CTNNA3: variants seen among roughly 807,000 people sequenced by gnomAD.
CTNNA3 encodes the protein catenin alpha 3.
In CTNNA3, 76 loss-of-function variants were observed where a neutral mutation model predicts 95.7. The ratio of observed to expected loss-of-function variants is 0.79; its 90% CI spans 0.66 to 0.96. The LOEUF (loss-of-function observed/expected upper bound fraction) is 0.96, where lower values mean the gene tolerates loss of function less well. CTNNA3 is among the 40% of genes least tolerant of loss of function. The pLI, the probability that CTNNA3 is intolerant of heterozygous loss-of-function variation, is 0.00. For missense variants in CTNNA3, 1,191 were observed against 1,089.8 expected (o/e 1.09, Z -1.31); for synonymous variants, 431 against 374.4 (o/e 1.15, Z -1.74).
chr10:67,707,348 A>T lies in CTNNA3; in HGVS notation c.-2+56086T>A, dbSNP rs564555194. On this transcript the variant is annotated intron_variant, in intron 1 of 17. Coordinates refer to the CTNNA3 transcript ENST00000684154. ...TCACAACATTCTTTCCCCTTGACTCAAAACACTCTCCCCTCTAATATACTG... is the reference window on the plus strand; with the variant it reads ...TCACAACATTCTTTCCCCTTGACTCTAAACACTCTCCCCTCTAATATACTG... Among the ~76,000 whole-genome samples the T allele has an allele frequency of 2.6e-5, 4 of 152,246 alleles. No individual in the cohort carries two copies. In the South Asian group the frequency reaches 8.3e-4, roughly 32 times the overall value.
intron 1 of CTNNA3, among the ~76,000 whole-genome samples, chr10:67,660,805 C>G (rs551442931): frequency 1.3e-5 from 2 of 152,034 alleles, no homozygotes; most frequent in South Asian, 4.2e-4. Flanking sequence ...GTGGTGGGTG[C>G]CTGTAGTCCC....
At chr10:66,016,696 T>A (rs889968509) in intron 15 of CTNNA3, among the ~76,000 whole-genome samples, 4 of 152,150 alleles carry the variant, frequency 2.6e-5, no homozygotes, top group African/African-American at 9.7e-5. Flanking sequence ...TCAGTAGAAC[T>A]AGTCCCTATT....
chr10:66,689,071 T>C (rs1847414252), intron 9 of CTNNA3, among the ~76,000 whole-genome samples: 1 of 146,584 alleles, frequency 6.8e-6, no homozygotes, highest in South Asian at 2.2e-4. Flanking sequence ...TGAAATCTCC[T>C]GTGTGTGTAT....
intron 11 of CTNNA3, among the ~76,000 whole-genome samples, chr10:66,458,133 G>A (rs1564982908): frequency 6.6e-6 from 1 of 152,144 alleles, no homozygotes; most frequent in Non-Finnish European, 1.5e-5. Context: ...CTTAGGGAGT[G>A]AAAAATGTTG....
At chr10:66,096,857 G>T (rs541277071) in intron 14 of CTNNA3, among the ~76,000 whole-genome samples, 1 of 152,182 alleles carries the variant, frequency 6.6e-6, no homozygotes, top group Admixed American at 6.5e-5. Flanking sequence ...TAAGTCCTAT[G>T]CAACTTTATG....
intron 17 of CTNNA3, among the ~76,000 whole-genome samples, chr10:65,927,486 C>T (rs748605283): frequency 5.3e-5 from 8 of 152,154 alleles, no homozygotes; most frequent in African/African-American, 1.9e-4. Flanking sequence ...CAGGCATCCA[C>T]AGATCTGCTA....
chr10:67,621,550 C>T (rs2133412495), intron 2 of CTNNA3, among the ~76,000 whole-genome samples: 1 of 152,136 alleles, frequency 6.6e-6, no homozygotes, highest in South Asian at 2.1e-4. Context: ...GAGTTCAAAA[C>T]CTGCCTGATC....
In CTNNA3 at chr10:65,917,577, G is replaced by C. The variant is rs76436527; in HGVS notation, c.*2753C>G. 1 of 151,916 alleles carries C rather than the reference G, an allele frequency of 6.6e-6. No homozygotes were observed. The highest frequency in any genetic ancestry group is 1.5e-5 in the Non-Finnish European group (1 of 67,996). 9.4% of individuals were successfully genotyped at this position (151,916 alleles called of 1,614,324 possible). On this transcript the variant is annotated 3_prime_UTR_variant, in exon 18 of 18. Transcript: ENST00000433211. The stretch of plus-strand genomic sequence containing the variant: ...AAACACCCCTCTCCTCCCTCTCAAG[G>C]AACGTTTTTCCCTATGTAAATTAAC...
chr10:67,566,048 T>C lies in CTNNA3; in HGVS notation c.293-26379A>G, dbSNP rs1393300762. ...ACACACACATATGTGTGTGTGTATA[T>C]ATATATATATATATATATATATATA... is the stretch of plus-strand genomic sequence containing the variant. On this transcript the variant is annotated intron_variant, in intron 3 of 17. Coordinates refer to ENST00000433211, the MANE Select transcript of CTNNA3 (RefSeq NM_013266.4). Among the ~76,000 whole-genome samples, 25 of 72,906 alleles carry C rather than the reference T, an allele frequency of 3.4e-4. 1 individual carries two copies. Among genetic ancestry groups the C allele is most frequent in the African/African-American group, 1.4e-3 (25 of 17,472 alleles). 47.8% of individuals were successfully genotyped at this position (72,906 alleles called of 152,430 possible).
At chr10:66,508,211 T>TTTTTTTTTTTTTTTTTTTGTTTTG (rs1491247894) in intron 11 of CTNNA3, among the ~76,000 whole-genome samples, 1 of 91,178 alleles carries the variant, frequency 1.1e-5, no homozygotes, top group Non-Finnish European at 2.1e-5. Context: ...TTGTTTTCTG[T>TTTTTTTTTTTTTTTTTTTGTTTTG]TTTTTTTTTT....
chr10:67,014,389 T>C (rs1852524785), intron 7 of CTNNA3, among the ~76,000 whole-genome samples: 1 of 152,214 alleles, frequency 6.6e-6, no homozygotes, highest in Admixed American at 6.5e-5. Flanking sequence ...CCTAATTGTA[T>C]AACCTGTGAG....
At chr10:66,344,477 G>A (rs1204466907) in intron 12 of CTNNA3, among the ~76,000 whole-genome samples, 8 of 151,728 alleles carry the variant, frequency 5.3e-5, no homozygotes, top group Admixed American at 3.9e-4. Flanking sequence ...ATATTGGCCA[G>A]GCTGGTCTCG....
rs768222263 is a variant in CTNNA3 at position 66,103,179 on chromosome 10, T to C, written c.1955A>G (p.Gln652Arg). ...EHEVRSHTSIQTEGKTDRAKM... is the reference protein window; with the variant it reads ...EHEVRSHTSIRTEGKTDRAKM... ...TACCCTATCAGTTTTCCCTTCGGTC[T>C]GAATGCTGGTGTGACTGCGGACCTC... The change falls in exon 14 of 18, where the codon CAG becomes CGG. Residue 652 changes from glutamine (Q) to arginine (R), a missense_variant. Coordinates refer to ENST00000433211, the MANE Select transcript of CTNNA3 (RefSeq NM_013266.4). The C allele has an allele frequency of 1.4e-5, 23 of 1,613,940 alleles. No individual in the cohort carries two copies. Among genetic ancestry groups the C allele is most frequent in the Non-Finnish European group, 1.8e-5 (21 of 1,179,908 alleles).
At chr10:67,255,133 T>C (rs1488798912) in intron 5 of CTNNA3, among the ~76,000 whole-genome samples, 1 of 151,998 alleles carries the variant, frequency 6.6e-6, no homozygotes, top group Non-Finnish European at 1.5e-5. Context: ...ATGTCTCTAC[T>C]AAAAATACAA....
At chr10:66,993,116 C>T (rs1451372561) in intron 7 of CTNNA3, among the ~76,000 whole-genome samples, 2 of 152,132 alleles carry the variant, frequency 1.3e-5, no homozygotes, top group African/African-American at 4.8e-5. Context: ...AAAATAGCCT[C>T]ATTCGCATGG....
At chr10:66,143,666 T>C (rs1445143428) in intron 13 of CTNNA3, among the ~76,000 whole-genome samples, 3 of 152,202 alleles carry the variant, frequency 2.0e-5, no homozygotes, top group South Asian at 2.1e-4. Flanking sequence ...AACATTTCTG[T>C]AGAAGAAGTT....
intron 5 of CTNNA3, among the ~76,000 whole-genome samples, chr10:67,383,855 G>A (rs1379947288): frequency 2.0e-5 from 3 of 152,170 alleles, no homozygotes; most frequent in Non-Finnish European, 4.4e-5. Flanking sequence ...AGGTAACAGA[G>A]AAGTAAAAAT....
At chr10:67,672,464 G>T (rs2133552859) in intron 1 of CTNNA3, among the ~76,000 whole-genome samples, 1 of 152,242 alleles carries the variant, frequency 6.6e-6, no homozygotes, top group South Asian at 2.1e-4. Context: ...TATCGCCTAG[G>T]TTTTCTTCTA....
Position 67,617,011 on chromosome 10 carries a change from C to T in CTNNA3, c.100-9962G>A, listed in dbSNP as rs180749125. Among the ~76,000 whole-genome samples the T allele has an allele frequency of 1.5e-3, 223 of 152,200 alleles. 1 individual carries two copies. In the Middle Eastern group the frequency reaches 0.034, roughly 23 times the overall value. Reference sequence around the variant, plus strand: ...TGTAGTATTTCTCAGGAAACCCAACCGTTAACATATTAATTCTAGGATATG... The same window carrying T: ...TGTAGTATTTCTCAGGAAACCCAACTGTTAACATATTAATTCTAGGATATG... On this transcript the variant is annotated intron_variant, in intron 2 of 17. Coordinates refer to ENST00000433211, the MANE Select transcript of CTNNA3 (RefSeq NM_013266.4).
Sources: gnomAD v4.1 joint callset for allele counts (sites outside exome capture counted in the v4.1 genomes callset) on GRCh38, gnomAD v4.1.1 for gene constraint, MANE v1.5 for transcripts, NCBI Gene and HGNC (gene_info 2026-07-23, HGNC 2026-07-21) for gene names.